The following PAK5 variants were observed in gnomAD, a reference collection of about 807,000 sequenced individuals.
PAK5 encodes the protein p21 (RAC1) activated kinase 5.
In PAK5, 16 loss-of-function variants were observed where a neutral mutation model predicts 65.9. That is an observed-to-expected ratio of 0.24 (90% CI 0.16 to 0.37). PAK5 has a LOEUF of 0.37. Among genes scored for constraint, PAK5 ranks in the 10% least tolerant of loss-of-function variants. The pLI, the probability that PAK5 is intolerant of heterozygous loss-of-function variation, is 1.00. For missense variants in PAK5, 785 were observed against 903.9 expected, an observed-to-expected ratio of 0.87 and a Z score of 1.69; for synonymous variants, 371 against 354.9, an observed-to-expected ratio of 1.05 and a Z score of -0.51.
chr20:9,743,124 T>C (rs954045004), intron 1 of PAK5, among the ~76,000 whole-genome samples: 2 of 152,006 alleles, frequency 1.3e-5, no homozygotes, highest in Admixed American at 6.5e-5. Context: ...TCCCAGCGCC[T>C]TGGGAAGCTG....
chr20:9,547,561 A>G (rs1304242908), intron 7 of PAK5, among the ~76,000 whole-genome samples: 1 of 152,218 alleles, frequency 6.6e-6, no homozygotes, highest in Non-Finnish European at 1.5e-5. Context: ...TGGAAGAGCC[A>G]GGATTCGGGA....
chr20:9,566,163 G>A lies in PAK5; in HGVS notation c.1212C>T (p.Leu404=), dbSNP rs2045674428. The A allele has an allele frequency of 1.2e-6, 2 of 1,614,026 alleles. No homozygotes were observed. The highest frequency in any genetic ancestry group is 1.7e-6 in the Non-Finnish European group (2 of 1,180,004). Residue 404 remains leucine, a synonymous_variant, in exon 5 of 10, where the codon CTC becomes CTT. Coordinates refer to ENST00000353224, the MANE Select transcript of PAK5 (RefSeq NM_177990.4). ...YISTASYLSS[L]SLSSSTYPPP... is the part of the protein sequence containing the mutation. ...GCGGGTAGGTGCTGGATGAGAGGCT[G>A]AGGGAGCTCAGGTAGGAAGCCGTGG...
intron 1 of PAK5, among the ~76,000 whole-genome samples, chr20:9,801,871 T>C (rs2123737001): frequency 6.6e-6 from 1 of 152,262 alleles, no homozygotes; most frequent in South Asian, 2.1e-4. Context: ...GCGCTTCATG[T>C]ATTGCTACTT....
intron 1 of PAK5, among the ~76,000 whole-genome samples, chr20:9,733,216 C>T (rs1232860182): frequency 6.6e-6 from 1 of 152,174 alleles, no homozygotes; most frequent in Non-Finnish European, 1.5e-5. Flanking sequence ...TGCATAATTA[C>T]ACACTGGGAT....
chr20:9,646,314 C>T (rs1010035763), intron 2 of PAK5, among the ~76,000 whole-genome samples: 1 of 152,202 alleles, frequency 6.6e-6, no homozygotes, highest in African/African-American at 2.4e-5. Flanking sequence ...AGACCATTCA[C>T]AGCCTTCACT....
intron 2 of PAK5, among the ~76,000 whole-genome samples, chr20:9,693,396 T>C (rs1431083076): frequency 6.6e-6 from 1 of 152,022 alleles, no homozygotes; most frequent in Admixed American, 6.6e-5. Flanking sequence ...TCCTCCCTTC[T>C]GCTTCCATTC....
At chr20:9,612,742 AC>A (rs1262175029) in intron 3 of PAK5, among the ~76,000 whole-genome samples, 1 of 151,804 alleles carries the variant, frequency 6.6e-6, no homozygotes, top group African/African-American at 2.4e-5. Context: ...TCACCCAGCT[AC>A]CCCCAGAGGC....
chr20:9,801,754 T>C lies in PAK5; in HGVS notation c.-162+37008A>G, dbSNP rs193248467. Among the ~76,000 whole-genome samples, 75 of 152,264 alleles carry C rather than the reference T, an allele frequency of 4.9e-4. 2 individuals are homozygous for C. The highest frequency in any genetic ancestry group is 1.6e-3 in the African/African-American group (66 of 41,566). On this transcript the variant is annotated intron_variant, in intron 1 of 9. Transcript: ENST00000353224. ...TTTCAGTATATAAAAATTTATTAATTCATTCTAGTAAGAAAAGCCAGCATG... is the reference window on the plus strand; with the variant it reads ...TTTCAGTATATAAAAATTTATTAATCCATTCTAGTAAGAAAAGCCAGCATG...
chr20:9,653,043 C>T (rs1453972425), intron 2 of PAK5, among the ~76,000 whole-genome samples: 2 of 152,214 alleles, frequency 1.3e-5, no homozygotes, highest in East Asian at 3.8e-4. Flanking sequence ...TCTGCTCTAA[C>T]TCCTCGCTTC....
intron 3 of PAK5, among the ~76,000 whole-genome samples, chr20:9,606,733 T>A (rs1261741940): frequency 2.6e-5 from 4 of 152,220 alleles, no homozygotes; most frequent in Admixed American, 6.5e-5. Flanking sequence ...GTCTATAACA[T>A]CGTGATTCTT....
intron 1 of PAK5, among the ~76,000 whole-genome samples, chr20:9,775,107 G>T (rs912832034): frequency 6.6e-6 from 1 of 152,180 alleles, no homozygotes; most frequent in Admixed American, 6.5e-5. Flanking sequence ...ATTGGGGGTG[G>T]TAGCAAATGA....
At chr20:9,772,371 A>G (rs6056859) in intron 1 of PAK5, among the ~76,000 whole-genome samples, 117,614 of 152,106 alleles carry the variant, frequency 0.77, 45,506 homozygotes, top group East Asian at 0.87. Context: ...GTCTATAAAA[A>G]GAAAAAACAG....
intron 1 of PAK5, among the ~76,000 whole-genome samples, chr20:9,761,259 C>G (rs1412584702): frequency 6.6e-6 from 1 of 152,146 alleles, no homozygotes. Flanking sequence ...AAGGACATCT[C>G]TGCTTCTGGG....
intron 2 of PAK5, among the ~76,000 whole-genome samples, chr20:9,671,868 T>G (rs2047503167): frequency 6.6e-6 from 1 of 152,162 alleles, no homozygotes; most frequent in Non-Finnish European, 1.5e-5. Flanking sequence ...TCAAAGGGAA[T>G]GCTTCCAGTT....
intron 1 of PAK5, among the ~76,000 whole-genome samples, chr20:9,772,823 G>T (rs944578981): frequency 2.0e-5 from 3 of 152,298 alleles, no homozygotes. Context: ...TAGTCAGGCA[G>T]AATGTTCAGG....
In PAK5 at chr20:9,542,638, G is replaced by A. The variant is rs767541766; in HGVS notation, c.1952C>T (p.Ala651Val). 2.5e-5 allele frequency: 40 copies of A among 1,613,206 alleles called. No individual in the cohort carries two copies. The South Asian group carries it at 3.1e-4, about 12-fold the overall frequency. ...PPYFNEPPLQAMRRIRDSLPP... is the reference protein window; with the variant it reads ...PPYFNEPPLQVMRRIRDSLPP... Reference sequence around the variant, plus strand: ...TAAACTGTCCCGGATCCTCCGCATCGCCTGGAGGGGAGGCTCATTGAAGTA... The same window carrying A: ...TAAACTGTCCCGGATCCTCCGCATCACCTGGAGGGGAGGCTCATTGAAGTA... Residue 651 changes from alanine to valine, a missense_variant, in exon 9 of 10, where the codon GCG (alanine) becomes GTG (valine). Physicochemically the swap from Ala to Val is moderately conservative, Grantham distance 64. Transcript: ENST00000353224.
At position 9,556,527 on chromosome 20, in the gene PAK5, C is replaced by T. The variant is rs529953885; in HGVS notation, c.1743+1081G>A. Among the ~76,000 whole-genome samples the T allele has an allele frequency of 5.9e-5, 9 of 152,310 alleles. No homozygotes were observed. The South Asian group carries it at 1.9e-3, about 32-fold the overall frequency. Reference sequence around the variant, plus strand: ...ACAGGAACATCAAGGGAATGGTTGGCTCCATTCATGCCAAGGCCATTGCCT... The same window carrying T: ...ACAGGAACATCAAGGGAATGGTTGGTTCCATTCATGCCAAGGCCATTGCCT... On this transcript the variant is annotated intron_variant, in intron 7 of 9. Coordinates refer to ENST00000353224, the MANE Select transcript of PAK5 (RefSeq NM_177990.4).
intron 1 of PAK5, among the ~76,000 whole-genome samples, chr20:9,743,337 T>C (rs2048469877): frequency 6.6e-6 from 1 of 151,750 alleles, no homozygotes; most frequent in Non-Finnish European, 1.5e-5. Context: ...GCCACTGCAC[T>C]CCAGCATGGG....
At chr20:9,611,832 T>C (rs1400449950) in intron 3 of PAK5, among the ~76,000 whole-genome samples, 1 of 152,198 alleles carries the variant, frequency 6.6e-6, no homozygotes, top group Non-Finnish European at 1.5e-5. Context: ...CAGAGCTCCC[T>C]GGGAATCAGA....
Sources: allele counts gnomAD v4.1 joint callset (sites outside exome capture counted in the v4.1 genomes callset), GRCh38; gene constraint gnomAD v4.1.1; transcripts MANE v1.5; gene names NCBI Gene and HGNC (gene_info 2026-07-23, HGNC 2026-07-21).